EML2: variants seen among roughly 807,000 people sequenced by gnomAD.
EML2 encodes the protein echinoderm microtubule-associated protein-like 2.
A neutral mutation model predicts 84.7 loss-of-function variants in EML2; 59 were observed. That is an observed-to-expected ratio of 0.70 (90% CI 0.56 to 0.86). The LOEUF is 0.86. Among genes scored for constraint, EML2 ranks in the 40% least tolerant of loss-of-function variants. The pLI, the probability that EML2 is intolerant of heterozygous loss-of-function variation, is 0.00. For missense variants in EML2, 818 were observed against 855.6 expected, an observed-to-expected ratio of 0.96 and a Z score of 0.55; for synonymous variants, 352 against 348.9, an observed-to-expected ratio of 1.01 and a Z score of -0.10.
At chr19:45,625,154 C>G (rs376675801) in intron 8 of EML2, among the ~76,000 whole-genome samples, 8 of 152,318 alleles carry the variant, frequency 5.3e-5, no homozygotes, top group East Asian at 3.9e-4. Flanking sequence ...CAACCTCCCC[C>G]TCCCGGGTTC....
upstream of EML2, chr19:45,645,387 G>T (rs1362468535): frequency 1.3e-6 from 2 of 1,508,414 alleles, no homozygotes; most frequent in African/African-American, 1.4e-5. Context: ...GCCCGGGCCC[G>T]GTCCCCCCAA....
intron 11 of EML2, 67 bp downstream of exon 11, chr19:45,621,140 G>C: frequency 1.3e-6 from 2 of 1,575,204 alleles, no homozygotes; most frequent in Non-Finnish European, 1.7e-6. Context: ...GAGGGGGAGT[G>C]GATGATGCAG....
At chr19:45,622,651 G>A (rs181860399) in intron 9 of EML2, among the ~76,000 whole-genome samples, 417 of 152,184 alleles carry the variant, frequency 2.7e-3, no homozygotes, top group Non-Finnish European at 4.7e-3. Flanking sequence ...GGCTGGTCTC[G>A]AACTCTTTGA....
chr19:45,641,863 C>T, upstream of EML2: 2 of 1,476,588 alleles, frequency 1.4e-6, no homozygotes, highest in Non-Finnish European at 1.8e-6. Context: ...AACAAACCAC[C>T]TCTGTCTCCC....
Position 45,624,012 on chromosome 19 carries a change from T to A in EML2, c.841+707A>T, listed in dbSNP as rs116493502. 8.7e-3 allele frequency among the ~76,000 whole-genome samples: 1,321 copies of A among 152,308 alleles called. 25 individuals are homozygous for A. Among genetic ancestry groups the A allele is most frequent in the African/African-American group, 0.03 (1,266 of 41,564 alleles). Reference sequence around the variant, plus strand: ...ACCCATTAGTTTGTTAATAAAGTCATCCATTGGTTGGAGCAAGTATTTCTT... The same window carrying A: ...ACCCATTAGTTTGTTAATAAAGTCAACCATTGGTTGGAGCAAGTATTTCTT... On this transcript the variant is annotated intron_variant, in intron 9 of 18. Coordinates refer to ENST00000245925, the MANE Select transcript of EML2 (RefSeq NM_012155.4).
upstream of EML2, chr19:45,640,400 CTTTT>C (rs796830548): frequency 2.9e-5 from 4 of 135,778 alleles, no homozygotes; most frequent in Admixed American, 3.0e-4. Context: ...CTTTCTCTCT[CTTTT>C]TTTTTTTGTT....
At chr19:45,620,123 T>A (rs1971525411) in intron 11 of EML2, among the ~76,000 whole-genome samples, 1 of 150,016 alleles carries the variant, frequency 6.7e-6, no homozygotes, top group Non-Finnish European at 1.5e-5. Flanking sequence ...TTATAACAAA[T>A]TTTTTTTTTA....
rs748097813 is a variant in EML2 at position 45,634,422 on chromosome 19, T to C, written c.229A>G (p.Thr77Ala). Residue 77 changes from threonine to alanine, a missense_variant, in exon 4 of 19, where the codon ACC (threonine) becomes GCC (alanine). Thr to Ala is a moderately conservative substitution (Grantham distance 58, BLOSUM62 0). Transcript: ENST00000245925. ...DCRANLYLLP[T>A]GEIVYFVASV... ...GCCACAAAGTACACTATCTCCCCGG[T>C]GGGCAGCAAATAAAGGTTGGCCCGG... 1.2e-6 allele frequency: 2 copies of C among 1,614,022 alleles called. No individual in the cohort carries two copies. Among genetic ancestry groups the C allele is most frequent in the Non-Finnish European group, 1.7e-6 (2 of 1,179,972 alleles).
At chr19:45,636,630 C>T (rs1481000507) in intron 3 of EML2, among the ~76,000 whole-genome samples, 1 of 152,158 alleles carries the variant, frequency 6.6e-6, no homozygotes. Context: ...GGTCCCCAGC[C>T]CTATGTCTCA....
chr19:45,640,410 TTG>T (rs1288497727), upstream of EML2: 20,250 of 141,518 alleles, frequency 0.14, 1,339 homozygotes, highest in South Asian at 0.18. Flanking sequence ...CTTTTTTTTT[TTG>T]TTTTTTGTTT....
At chr19:45,616,629 C>G in intron 14 of EML2, 71 bp from the exon 15 acceptor site, 2 of 1,418,136 alleles carry the variant, frequency 1.4e-6, no homozygotes, top group South Asian at 1.2e-5. Flanking sequence ...ACTCAGCCCC[C>G]TCAACAGTCC....
At chr19:45,633,164 C>A (rs775565393) in intron 4 of EML2, 25 bp from the exon 5 acceptor site, 4 of 1,602,980 alleles carry the variant, frequency 2.5e-6, no homozygotes, top group African/African-American at 2.7e-5. Context: ...GACAGAGAGA[C>A]CAGGGCTCAG....
At chr19:45,625,807 G>C (rs1462774702) in intron 8 of EML2, among the ~76,000 whole-genome samples, 1 of 152,150 alleles carries the variant, frequency 6.6e-6, no homozygotes, top group East Asian at 1.9e-4. Flanking sequence ...GGCTCTCTCA[G>C]CCAGGCAGCC....
chr19:45,616,416 C>T, intron 15 of EML2, 45 bp downstream of exon 15: 1 of 1,477,594 alleles, frequency 6.8e-7, no homozygotes, highest in Non-Finnish European at 9.3e-7. Flanking sequence ...TTTTGCACCC[C>T]CTGGGCGGGG....
At chr19:45,645,582 G>T (rs1974977505), upstream of EML2, 1 of 807,544 alleles carries the variant, frequency 1.2e-6, no homozygotes, top group Non-Finnish European at 1.8e-6. Flanking sequence ...GATTGGCTGC[G>T]CCCGGATCCC....
Position 45,613,425 on chromosome 19 carries a change from T to C in EML2, c.1824+116A>G, listed in dbSNP as rs1970692739. The C allele has an allele frequency of 8.4e-6, 11 of 1,311,518 alleles. No individual in the cohort carries two copies. The South Asian group carries it at 9.4e-5, about 11-fold the overall frequency. The allele number at this position is 1,311,518 out of a possible 1,614,324, so 81.2% of individuals were successfully genotyped here. ...GGGATCAAGACTACTGTCCTCCTTGTACAGATGGGGAAACCGAGGCTCAGA... is the reference window on the plus strand; with the variant it reads ...GGGATCAAGACTACTGTCCTCCTTGCACAGATGGGGAAACCGAGGCTCAGA... On this transcript the variant is annotated intron_variant, in intron 18 of 18. Coordinates refer to ENST00000245925, the MANE Select transcript of EML2 (RefSeq NM_012155.4).
chr19:45,638,895 A>G lies in EML2; in HGVS notation c.21-22T>C, dbSNP rs1448513047. On this transcript the variant is annotated intron_variant, in intron 1 of 18. Transcript: ENST00000245925. ...TTTGCTGTCAGGAAAGGACAAAGAA[A>G]AAAAAAGGGTCTTAGTATTCAGTTC... The G allele has an allele frequency of 2.5e-6, 4 of 1,613,822 alleles. No individual in the cohort carries two copies. In the East Asian group the frequency reaches 6.7e-5, roughly 27 times the overall value.
At chr19:45,626,894 A>C in intron 7 of EML2, 55 bp from the exon 8 acceptor site, 2 of 1,530,590 alleles carry the variant, frequency 1.3e-6, no homozygotes, top group Non-Finnish European at 1.8e-6. Flanking sequence ...CAAGGCTACT[A>C]TACCCGCCCC....
intron 17 of EML2, among the ~76,000 whole-genome samples, chr19:45,614,342 T>C (rs1970795372): frequency 6.6e-6 from 1 of 152,226 alleles, no homozygotes; most frequent in Non-Finnish European, 1.5e-5. Context: ...GTTTGCTTCA[T>C]TCGTGCCTGA....
Sources: gnomAD v4.1 joint callset for allele counts (sites outside exome capture counted in the v4.1 genomes callset) on GRCh38, gnomAD v4.1.1 for gene constraint, MANE v1.5 for transcripts, NCBI Gene and HGNC (gene_info 2026-07-23, HGNC 2026-07-21) for gene names.